The following ZDHHC5 variants were observed in gnomAD, a reference collection of about 807,000 sequenced individuals.
ZDHHC5 encodes the protein palmitoyltransferase ZDHHC5.
Under a neutral mutation model 70.0 loss-of-function variants are expected in ZDHHC5, and 22 were observed. The ratio of observed to expected loss-of-function variants is 0.31; its 90% confidence interval spans 0.22 to 0.45. The LOEUF is 0.45. Ranked by LOEUF, ZDHHC5 falls within the 20% of genes least tolerant of loss-of-function variation. The pLI, the probability that ZDHHC5 is intolerant of heterozygous loss-of-function variation, is 1.00. For missense variants in ZDHHC5, 746 were observed against 926.9 expected (o/e 0.80, Z 2.53); for synonymous variants, 313 against 347.8 (o/e 0.90, Z 1.11).
At position 57,699,256 on chromosome 11, in the gene ZDHHC5, G is replaced by A. The variant is rs180768308; in HGVS notation, c.1820G>A (p.Arg607His). Reference sequence around the variant, plus strand: ...CCACTGGGACGCCCAGCTGTCCCCCGTTTTGGCAAGCCAGATGGGCTAAGG... The same window carrying A: ...CCACTGGGACGCCCAGCTGTCCCCCATTTTGGCAAGCCAGATGGGCTAAGG... ...KTPLGRPAVP[R>H]FGKPDGLRGR... The change falls in exon 11 of 12, where the codon CGT becomes CAT. Residue 607 changes from arginine (R) to histidine (H), a missense_variant. Coordinates refer to ENST00000287169, the MANE Select transcript of ZDHHC5 (RefSeq NM_015457.3). 2.8e-5 allele frequency: 46 copies of A among 1,614,220 alleles called. 1 individual carries two copies. The highest frequency in any genetic ancestry group is 1.8e-4 in the South Asian group (16 of 91,086).
At chr11:57,694,346 C>T (rs1946322912) in intron 8 of ZDHHC5, among the ~76,000 whole-genome samples, 2 of 151,856 alleles carry the variant, frequency 1.3e-5, no homozygotes, top group South Asian at 4.2e-4. Flanking sequence ...TACTTAAATA[C>T]AAATCTTGTT....
chr11:57,695,193 C>T (rs1355624484), intron 8 of ZDHHC5, among the ~76,000 whole-genome samples: 1 of 151,896 alleles, frequency 6.6e-6, no homozygotes, highest in East Asian at 1.9e-4. Flanking sequence ...ACCCGGGAGG[C>T]GGAGGTTGCA....
rs1590869710 is a variant in ZDHHC5 at position 57,694,004 on chromosome 11, T to G, written c.885+89T>G. The G allele has an allele frequency of 1.0e-5, 11 of 1,069,328 alleles. No individual in the cohort carries two copies. In the East Asian group the frequency reaches 1.7e-4, roughly 17 times the overall value. The allele number at this position is 1,069,328 out of a possible 1,614,324, so 66.2% of individuals were successfully genotyped here. A position where few individuals can be genotyped will look rare whatever the true frequency, so the allele number is the denominator to read the frequency against. On this transcript the variant is annotated intron_variant, in intron 8 of 11. Transcript: ENST00000287169. Reference sequence around the variant, plus strand: ...AGCTTGCTTTAGTTTCCTTTGTGTTTTTTTTTTTTTTTTTGAGACAGAGTC... The same window carrying G: ...AGCTTGCTTTAGTTTCCTTTGTGTTGTTTTTTTTTTTTTTGAGACAGAGTC...
At chr11:57,673,216 GTGTT>G in intron 2 of ZDHHC5, 22 bp downstream of exon 2, 1 of 1,610,696 alleles carries the variant, frequency 6.2e-7, no homozygotes, top group Non-Finnish European at 8.5e-7. Flanking sequence ...CCCAGCAGGG[GTGTT>G]TGGGTGGGTG....
intron 10 of ZDHHC5, among the ~76,000 whole-genome samples, chr11:57,698,325 G>A (rs762991536): frequency 2.0e-5 from 3 of 152,200 alleles, no homozygotes; most frequent in African/African-American, 4.8e-5. Context: ...TTATAACCCA[G>A]TTCTGCCCAC....
rs745682461 is a variant in ZDHHC5 at position 57,690,190 on chromosome 11, C to T, written c.544C>T (p.Arg182Cys). 3.8e-5 allele frequency: 62 copies of T among 1,613,954 alleles called. No individual in the cohort carries two copies. The highest frequency in any genetic ancestry group is 2.2e-4 in the East Asian group (10 of 44,888). ...CCACATAGAGGAACTCTCAGGGGTC[C>T]GCACGGCTGTCACGTATCCTTCAAG... ...LYHIEELSGV[R>C]TAVTMAVMCV... Residue 182 changes from arginine (R) to cysteine (C), a missense_variant, in exon 5 of 12, where the codon CGC becomes TGC. Transcript: ENST00000287169.
intron 3 of ZDHHC5, among the ~76,000 whole-genome samples, chr11:57,683,032 A>G (rs753507479): frequency 7.9e-5 from 12 of 152,192 alleles, no homozygotes; most frequent in Non-Finnish European, 1.3e-4. Flanking sequence ...TGCTGAAAAT[A>G]GGTGGGAAAG....
In ZDHHC5 at chr11:57,692,823, G is replaced by A; in HGVS notation, c.752+121G>A. ...TAGGAAGGGTTCTCTATCTTAGAAT[G>A]TTAAGTACCCACTCTATCTTAGAAT... On this transcript the variant is annotated intron_variant, in intron 7 of 11. Coordinates refer to ENST00000287169, the MANE Select transcript of ZDHHC5 (RefSeq NM_015457.3). 3 of 916,930 alleles carry A rather than the reference G, an allele frequency of 3.3e-6. No homozygotes were observed. In the South Asian group the frequency reaches 5.0e-5, roughly 15 times the overall value. The allele number at this position is 916,930 out of a possible 1,614,324, so 56.8% of individuals were successfully genotyped here. A position where few individuals can be genotyped will look rare whatever the true frequency, so the allele number is the denominator to read the frequency against.
intron 3 of ZDHHC5, among the ~76,000 whole-genome samples, chr11:57,684,698 G>A (rs1368625732): frequency 1.3e-5 from 2 of 152,178 alleles, no homozygotes; most frequent in Non-Finnish European, 2.9e-5. Context: ...TAGGAGGGGA[G>A]AGAACCATCA....
intron 6 of ZDHHC5, among the ~76,000 whole-genome samples, chr11:57,691,748 T>C (rs1946287607): frequency 6.6e-6 from 1 of 151,990 alleles, no homozygotes; most frequent in African/African-American, 2.4e-5. Context: ...GCAAGACATA[T>C]GTATATGTAC....
intron 7 of ZDHHC5, 49 bp downstream of exon 7, chr11:57,692,751 T>C: frequency 6.3e-7 from 1 of 1,598,888 alleles, no homozygotes; most frequent in Non-Finnish European, 8.6e-7. Flanking sequence ...AGAACTTTTA[T>C]CTTCTTTGGG....
rs771832948 is a variant in ZDHHC5 at position 57,693,926 on chromosome 11, T to C, written c.885+11T>C. ...CTGAGGAGAACAAAGGTGAGGAATT[T>C]AGAGAAGTCAAGCTAGATAACATGG... is the stretch of plus-strand genomic sequence containing the variant. On this transcript the variant is annotated intron_variant, in intron 8 of 11. Coordinates refer to ENST00000287169, the MANE Select transcript of ZDHHC5 (RefSeq NM_015457.3). 7 of 1,606,888 alleles carry C rather than the reference T, an allele frequency of 4.4e-6. No individual in the cohort carries two copies. The Middle Eastern group carries it at 5.0e-4, about 114-fold the overall frequency.
chr11:57,693,768 T>C lies in ZDHHC5; in HGVS notation c.753-15T>C. ...CTCTCGCTGTGTCTCTCTCTCTCTC[T>C]CTCTCGACACTTAGGTATTTGGGGA... On this transcript the variant is annotated splice_polypyrimidine_tract_variant and intron_variant, in intron 7 of 11. Transcript: ENST00000287169. The C allele has an allele frequency of 6.5e-7, 1 of 1,547,900 alleles. No homozygotes were observed. Among genetic ancestry groups the C allele is most frequent in the Non-Finnish European group, 8.7e-7 (1 of 1,146,750 alleles).
At chr11:57,687,962 G>A (rs1182646401) in intron 3 of ZDHHC5, among the ~76,000 whole-genome samples, 4 of 151,732 alleles carry the variant, frequency 2.6e-5, no homozygotes, top group African/African-American at 4.8e-5. Context: ...GTAGAGACGA[G>A]GTTTCACCAT....
At chr11:57,681,654 A>C (rs921321200) in intron 2 of ZDHHC5, 5 of 152,208 alleles carry the variant, frequency 3.3e-5, no homozygotes, top group African/African-American at 9.7e-5. Flanking sequence ...GATCAAGAAA[A>C]GTTACCTTAA....
At chr11:57,685,590 G>C (rs1946198883) in intron 3 of ZDHHC5, among the ~76,000 whole-genome samples, 1 of 150,004 alleles carries the variant, frequency 6.7e-6, no homozygotes. Context: ...TGGAGGTTGT[G>C]ATGAGCCGAG....
intron 2 of ZDHHC5, among the ~76,000 whole-genome samples, chr11:57,675,731 C>T (rs1233329149): frequency 2.6e-5 from 4 of 152,202 alleles, no homozygotes; most frequent in African/African-American, 7.2e-5. Flanking sequence ...CTGAAATTCT[C>T]ATCTCCTCTT....
intron 4 of ZDHHC5, among the ~76,000 whole-genome samples, chr11:57,688,870 A>G (rs536215195): frequency 9.8e-5 from 15 of 152,308 alleles, no homozygotes; most frequent in Non-Finnish European, 1.6e-4. Flanking sequence ...CTTTAACTCA[A>G]TATGGGCATA....
chr11:57,669,346 T>G (rs1945972012), intron 1 of ZDHHC5, among the ~76,000 whole-genome samples: 1 of 152,272 alleles, frequency 6.6e-6, no homozygotes, highest in Non-Finnish European at 1.5e-5. Flanking sequence ...AGGAAATACC[T>G]GTATTAAACC....
Sources: gnomAD v4.1 joint callset for allele counts (sites outside exome capture counted in the v4.1 genomes callset) on GRCh38, gnomAD v4.1.1 for gene constraint, MANE v1.5 for transcripts, NCBI Gene and HGNC (gene_info 2026-07-23, HGNC 2026-07-21) for gene names.